Variants in PI4KB observed in about 807,000 individuals in gnomAD.
PI4KB encodes PtdIns 4-kinase beta.
A neutral mutation model predicts 81.4 loss-of-function variants in PI4KB; 23 were observed. The ratio of observed to expected loss-of-function variants is 0.28; its 90% CI spans 0.20 to 0.40. PI4KB has a LOEUF of 0.40. PI4KB is among the 10% of genes least tolerant of loss of function. The probability of loss-of-function intolerance (pLI) is 1.00; values close to 1 mark genes in which losing one functional copy is unlikely to be tolerated. For synonymous variants in PI4KB, 381 were observed against 406.8 expected, an observed-to-expected ratio of 0.94 and a Z score of 0.76; for missense variants, 651 against 1,036.6, an observed-to-expected ratio of 0.63 and a Z score of 5.11.
At chr1:151,312,620 T>C (rs746281896) in intron 2 of PI4KB, among the ~76,000 whole-genome samples, 4 of 152,154 alleles carry the variant, frequency 2.6e-5, no homozygotes, top group Non-Finnish European at 1.5e-5. Context: ...AACTACATGT[T>C]GAGTGAATGA....
chr1:151,301,491 G>A (rs1046941413), intron 8 of PI4KB, among the ~76,000 whole-genome samples: 78 of 152,052 alleles, frequency 5.1e-4, no homozygotes, highest in Admixed American at 2.9e-3. Flanking sequence ...TCCGCCTCCC[G>A]GGCTCACGCC....
intron 7 of PI4KB, 74 bp from the exon 8 acceptor site, chr1:151,302,041 A>C: frequency 6.2e-7 from 1 of 1,600,632 alleles, no homozygotes; most frequent in Non-Finnish European, 8.5e-7. Flanking sequence ...TCCACAAAAA[A>C]TCCCAAGCAA....
chr1:151,306,907 G>A (rs905798750), intron 4 of PI4KB, among the ~76,000 whole-genome samples: 3 of 152,118 alleles, frequency 2.0e-5, no homozygotes, highest in Non-Finnish European at 2.9e-5. Context: ...AAACCCCGTC[G>A]CTACTAAAAC....
rs1695745212 is a variant in PI4KB at position 151,306,237 on chromosome 1, T to C, written c.1309A>G (p.Ile437Val). The change falls in exon 5 of 12, where the codon ATT becomes GTT. Residue 437 changes from isoleucine (I) to valine (V), a missense_variant. Physicochemically the swap from Ile to Val is conservative, Grantham distance 29. Around this residue, in one of 5 missense-constraint regions of PI4KB, gnomAD observed 246 missense variants for 430.1 expected, o/e 0.57. Transcript: ENST00000368873. ...CTGCCAGCTCGCTGCTCATGGGTAA[T>C]ACCACATTCGGGCAAGTTTTCTACG... ...RSVENLPECG[I>V]THEQRAGSFS... 1 of 1,614,160 alleles carries C rather than the reference T, an allele frequency of 6.2e-7. No individual in the cohort carries two copies. Among genetic ancestry groups the C allele is most frequent in the South Asian group, 1.1e-5 (1 of 91,078 alleles).
At position 151,327,356 on chromosome 1, in the gene PI4KB, G is replaced by A. The variant is rs1389987348; in HGVS notation, c.-114C>T. On this transcript the variant is annotated 5_prime_UTR_variant, in exon 1 of 12. Transcript: ENST00000368873. The stretch of plus-strand genomic sequence containing the variant: ...CCTCAGCAGCAGCGACCGCTCCCGG[G>A]TTCCATTGGCCGCCTGCGCTTCCCT... 2 of 397,508 alleles carry A rather than the reference G, an allele frequency of 5.0e-6. No individual in the cohort carries two copies. The highest frequency in any genetic ancestry group is 8.9e-6 in the Non-Finnish European group (2 of 225,696). The allele number at this position is 397,508 out of a possible 1,614,324, so 24.6% of individuals were successfully genotyped here.
intron 5 of PI4KB, among the ~76,000 whole-genome samples, chr1:151,304,721 T>G (rs1484880169): frequency 6.6e-6 from 1 of 151,500 alleles, no homozygotes; most frequent in African/African-American, 2.4e-5. Flanking sequence ...AGTGCTGTGA[T>G]CTCAGCTCCC....
In PI4KB at chr1:151,326,125, C is replaced by CT. The variant is rs773693065; in HGVS notation, c.-29+1145dup. ...GAGAAGGCACTCTATTCTGTGATTC[C>CT]TTTAACAAAAGCCTAAAATTAAATA... On this transcript the variant is annotated intron_variant, in intron 1 of 11. Coordinates refer to ENST00000368873, the MANE Select transcript of PI4KB (RefSeq NM_001369623.2). 12 of 1,583,080 alleles carry CT rather than the reference C, an allele frequency of 7.6e-6. 1 individual carries two copies. In the African/African-American group the frequency reaches 1.3e-4, roughly 18 times the overall value.
At chr1:151,314,869 T>C (rs900111429) in intron 2 of PI4KB, among the ~76,000 whole-genome samples, 5 of 152,176 alleles carry the variant, frequency 3.3e-5, no homozygotes, top group Non-Finnish European at 5.9e-5. Context: ...TTCCCACAGA[T>C]GCTGCTCTGA....
At chr1:151,293,721 G>A in intron 11 of PI4KB, 1 of 367,826 alleles carries the variant, frequency 2.7e-6, no homozygotes, top group Non-Finnish European at 5.0e-6. Context: ...ACTCAGAGCT[G>A]GACAGGGGTG....
At chr1:151,319,194 C>T (rs1014973347) in intron 1 of PI4KB, among the ~76,000 whole-genome samples, 5 of 151,688 alleles carry the variant, frequency 3.3e-5, no homozygotes, top group African/African-American at 4.9e-5. Flanking sequence ...TAGTTGAGGC[C>T]GGGCACAGTG....
chr1:151,312,682 G>T (rs1169519843), intron 2 of PI4KB, among the ~76,000 whole-genome samples: 2 of 152,162 alleles, frequency 1.3e-5, no homozygotes, highest in African/African-American at 4.8e-5. Context: ...AATTCCTTTG[G>T]TATTTAGGGG....
chr1:151,293,026 C>G lies in PI4KB; in HGVS notation c.2277G>C (p.Gln759His). Residue 759 changes from glutamine to histidine, a missense_variant, in exon 12 of 12, where the codon CAG (glutamine) becomes CAC (histidine). Physicochemically the swap from Gln to His is conservative, Grantham distance 24. This residue lies in a region of PI4KB where 70 missense variants were observed against 108.1 expected (regional missense o/e 0.65). Transcript: ENST00000368873. ...QIVEIMQQGS[Q>H]LPCFHGSSTI... is the part of the protein sequence containing the mutation. ...TGCTGGAGCCATGGAAGCAAGGAAG[C>G]TGAGAACCTGGGGGAAGCAGTCGGA... 1 of 1,613,926 alleles carries G rather than the reference C, an allele frequency of 6.2e-7. No individual in the cohort carries two copies. The highest frequency in any genetic ancestry group is 1.1e-5 in the South Asian group (1 of 91,068).
At chr1:151,303,444 C>T (rs1380740432) in intron 6 of PI4KB, 97 bp downstream of exon 6, 1 of 822,482 alleles carries the variant, frequency 1.2e-6, no homozygotes, top group East Asian at 2.4e-5. Context: ...AGACACAGGC[C>T]AACAACAGAT....
At chr1:151,301,778 C>G in intron 8 of PI4KB, 66 bp downstream of exon 8, 2 of 1,494,908 alleles carry the variant, frequency 1.3e-6, no homozygotes, top group Non-Finnish European at 1.8e-6. Flanking sequence ...GTAATCCACC[C>G]GCCTCGGCCT....
intron 3 of PI4KB, among the ~76,000 whole-genome samples, chr1:151,308,282 C>A (rs1481906296): frequency 1.3e-5 from 2 of 152,216 alleles, no homozygotes; most frequent in Admixed American, 6.5e-5. Flanking sequence ...AGAAGGGAGC[C>A]CCACATCATT....
intron 3 of PI4KB, among the ~76,000 whole-genome samples, chr1:151,308,484 T>TGCC (rs1389096573): frequency 6.6e-6 from 1 of 152,184 alleles, no homozygotes; most frequent in Non-Finnish European, 1.5e-5. Flanking sequence ...GGTAGGTAGA[T>TGCC]GGAGAAAGCA....
At chr1:151,293,612 A>G in intron 11 of PI4KB, 1 of 318,498 alleles carries the variant, frequency 3.1e-6, no homozygotes, top group Non-Finnish European at 6.3e-6. Flanking sequence ...GGAGATAATG[A>G]TGAGAGGGGA....
chr1:151,315,874 CG>C lies in PI4KB; in HGVS notation c.607del (p.Arg203AlafsTer37). ...AIKPYIVHRC[R>X]QSINFSLQCA... Reference sequence around the variant, plus strand: ...CTGGAGGGAAAAGTTAATGCTCTGGCGGCAACGGTGGACTATGTAGGGCTTA... The same window carrying C: ...CTGGAGGGAAAAGTTAATGCTCTGGCGCAACGGTGGACTATGTAGGGCTTA... On this transcript the variant is annotated frameshift_variant, in exon 2 of 12. Transcript: ENST00000368873. LOFTEE classifies it high-confidence loss of function. The C allele has an allele frequency of 6.2e-7, 1 of 1,614,014 alleles. No individual in the cohort carries two copies. Among genetic ancestry groups the C allele is most frequent in the African/African-American group, 1.3e-5 (1 of 75,006 alleles).
At chr1:151,311,655 C>T (rs919796784) in intron 2 of PI4KB, among the ~76,000 whole-genome samples, 2 of 152,208 alleles carry the variant, frequency 1.3e-5, no homozygotes, top group African/African-American at 4.8e-5. Flanking sequence ...CTGAGCAACG[C>T]TCCAGCTGAT....
Sources: allele counts gnomAD v4.1 joint callset (sites outside exome capture counted in the v4.1 genomes callset), GRCh38; gene constraint gnomAD v4.1.1; regional missense constraint gnomAD v4.1.1; transcripts MANE v1.5; gene names NCBI Gene and HGNC (gene_info 2026-07-23, HGNC 2026-07-21).